Variants in GRIK4 observed in about 807,000 individuals in gnomAD.
GRIK4 encodes glutamate ionotropic receptor kainate type subunit 4.
GRIK4 carries 40 observed loss-of-function variants against 104.9 expected under a neutral mutation model. The observed-to-expected ratio is 0.38, with a 90% CI of 0.30 to 0.50. The LOEUF (loss-of-function observed/expected upper bound fraction) is 0.50, where lower values mean the gene tolerates loss of function less well. Ranked by LOEUF, GRIK4 falls within the 20% of genes least tolerant of loss-of-function variation. The probability of loss-of-function intolerance (pLI) is 0.93; values close to 1 mark genes in which losing one functional copy is unlikely to be tolerated. For synonymous variants in GRIK4, 485 were observed against 524.9 expected, an observed-to-expected ratio of 0.92 and a Z score of 1.04; for missense variants, 1,047 against 1,308.1, an observed-to-expected ratio of 0.80 and a Z score of 3.08.
At chr11:120,655,475 C>T (rs4514426) in intron 2 of GRIK4, among the ~76,000 whole-genome samples, 84,811 of 151,850 alleles carry the variant, frequency 0.56, 24,819 homozygotes, top group East Asian at 0.7. Flanking sequence ...GCCCTGATCT[C>T]CTGTGCAATG....
intron 16 of GRIK4, among the ~76,000 whole-genome samples, chr11:120,958,553 G>C (rs1208999775): frequency 6.6e-6 from 1 of 152,262 alleles, no homozygotes; most frequent in Non-Finnish European, 1.5e-5. Flanking sequence ...TCCTCACCCA[G>C]AGCACGTGAT....
chr11:120,926,737 C>T lies in GRIK4; in HGVS notation c.1477-13610C>T, dbSNP rs184447136. ...CATTCAACAAATATTTATGTAGTGC[C>T]TGGCACATGGCAGGTTCTGGACACT... is the stretch of plus-strand genomic sequence containing the variant. On this transcript the variant is annotated intron_variant, in intron 13 of 20. Coordinates refer to ENST00000527524, the MANE Select transcript of GRIK4 (RefSeq NM_014619.5). 9.9e-5 allele frequency among the ~76,000 whole-genome samples: 15 copies of T among 152,252 alleles called. No homozygotes were observed. The East Asian group carries it at 2.7e-3, about 27-fold the overall frequency.
At chr11:120,649,510 G>A (rs530806818) in intron 1 of GRIK4, among the ~76,000 whole-genome samples, 3 of 152,310 alleles carry the variant, frequency 2.0e-5, no homozygotes, top group African/African-American at 4.8e-5. Flanking sequence ...ACGAACAGCC[G>A]TTCCAGTGCT....
rs115408318 is a variant in GRIK4, at chr11:120,624,654, G to A, written c.-158-29031G>A. Among the ~76,000 whole-genome samples, 978 of 152,214 alleles carry A rather than the reference G, an allele frequency of 6.4e-3. 8 individuals carry two copies. The highest frequency in any genetic ancestry group is 0.022 in the African/African-American group (902 of 41,530). ...CAGACACTTCATCTCGTACCCTGCC[G>A]CGGAGTCTGGGCATTCTCTAGAGCA... is the stretch of plus-strand genomic sequence containing the variant. On this transcript the variant is annotated intron_variant, in intron 1 of 20. Coordinates refer to ENST00000527524, the MANE Select transcript of GRIK4 (RefSeq NM_014619.5).
chr11:120,662,633 A>G (rs1949835541), intron 3 of GRIK4, among the ~76,000 whole-genome samples: 1 of 152,042 alleles, frequency 6.6e-6, no homozygotes, highest in Admixed American at 6.6e-5. Context: ...GCTGGCGTTA[A>G]CTGTGCTGGG....
chr11:120,959,782 C>T (rs1944248745), intron 16 of GRIK4, among the ~76,000 whole-genome samples: 1 of 152,300 alleles, frequency 6.6e-6, no homozygotes, highest in Non-Finnish European at 1.5e-5. Context: ...TTTCTAATTC[C>T]AGCCTTTCAG....
At chr11:120,667,767 G>A (rs541223279) in intron 3 of GRIK4, among the ~76,000 whole-genome samples, 43 of 152,232 alleles carry the variant, frequency 2.8e-4, no homozygotes, top group Non-Finnish European at 4.7e-4. Flanking sequence ...GTGTTGTGGA[G>A]AGGACACTGA....
intron 3 of GRIK4, among the ~76,000 whole-genome samples, chr11:120,769,016 C>G (rs543421662): frequency 6.6e-6 from 1 of 152,148 alleles, no homozygotes; most frequent in Non-Finnish European, 1.5e-5. Flanking sequence ...CTTGCAGTGT[C>G]TTTATCTGGC....
intron 13 of GRIK4, among the ~76,000 whole-genome samples, chr11:120,920,033 T>C (rs1181210792): frequency 6.6e-6 from 1 of 151,858 alleles, no homozygotes; most frequent in Non-Finnish European, 1.5e-5. Flanking sequence ...AGCATACAGG[T>C]GGTAGTAAAA....
chr11:120,755,572 C>A (rs1349524229), intron 3 of GRIK4, among the ~76,000 whole-genome samples: 1 of 151,596 alleles, frequency 6.6e-6, no homozygotes, highest in Non-Finnish European at 1.5e-5. Context: ...CACACCACTG[C>A]ACTCCACCCT....
intron 3 of GRIK4, among the ~76,000 whole-genome samples, chr11:120,778,898 G>C (rs1206828431): frequency 6.6e-6 from 1 of 152,232 alleles, no homozygotes; most frequent in Non-Finnish European, 1.5e-5. Context: ...ACTCAGAACT[G>C]GTGTGAGGTG....
chr11:120,718,328 G>A (rs1236327557), intron 3 of GRIK4, among the ~76,000 whole-genome samples: 1 of 152,210 alleles, frequency 6.6e-6, no homozygotes, highest in Non-Finnish European at 1.5e-5. Flanking sequence ...AGCCTGAGGA[G>A]TGATGTGACC....
At position 120,905,475 on chromosome 11, in the gene GRIK4, C is replaced by T. The variant is rs150333061; in HGVS notation, c.1458C>T (p.Val486=). ...PEANGTWTGM[V]GELIARKADL... ...CCAACGGCACCTGGACGGGAATGGT[C>T]GGGGAGCTGATCGCTAGGGTAAGGA... is the stretch of plus-strand genomic sequence containing the variant. The change falls in exon 13 of 21, where the codon GTC becomes GTT. Residue 486 remains valine (V), a synonymous_variant. Coordinates refer to ENST00000527524, the MANE Select transcript of GRIK4 (RefSeq NM_014619.5). This position sits in a 1 kb window ranked among gnomAD's most constrained non-coding sequence, Gnocchi z 5.1. 6.8e-5 allele frequency: 91 copies of T among 1,346,012 alleles called. No individual in the cohort carries two copies. The highest frequency in any genetic ancestry group is 2.1e-4 in the Middle Eastern group (1 of 4,766). 83.4% of individuals were successfully genotyped at this position (1,346,012 alleles called of 1,614,324 possible).
chr11:120,689,397 C>CT, intron 3 of GRIK4, among the ~76,000 whole-genome samples: 1 of 152,196 alleles, frequency 6.6e-6, no homozygotes, highest in African/African-American at 2.4e-5. Flanking sequence ...TAGGGTTTCT[C>CT]TTATTTATGA....
intron 11 of GRIK4, among the ~76,000 whole-genome samples, chr11:120,893,784 G>C (rs1942486941): frequency 6.6e-6 from 1 of 152,172 alleles, no homozygotes; most frequent in Non-Finnish European, 1.5e-5. Context: ...TACACATGAG[G>C]GTCTTTTTTT....
chr11:120,652,197 A>T (rs1266610219), intron 1 of GRIK4, among the ~76,000 whole-genome samples: 1 of 152,216 alleles, frequency 6.6e-6, no homozygotes, highest in African/African-American at 2.4e-5. Context: ...TTCAATAAAG[A>T]TTATATTATC....
chr11:120,969,490 C>T lies in GRIK4; in HGVS notation c.2395+2167C>T, dbSNP rs1038422971. 2.0e-5 allele frequency among the ~76,000 whole-genome samples: 3 copies of T among 152,158 alleles called. No individual in the cohort carries two copies. In the East Asian group the frequency reaches 5.8e-4, roughly 29 times the overall value. On this transcript the variant is annotated intron_variant, in intron 19 of 20. Coordinates refer to ENST00000527524, the MANE Select transcript of GRIK4 (RefSeq NM_014619.5). The stretch of plus-strand genomic sequence containing the variant: ...GGTCCATGTGGAACAGATAAGAATT[C>T]GCATTTGGGGAGTTGGGTTGTGTAA...
intron 3 of GRIK4, among the ~76,000 whole-genome samples, chr11:120,665,258 A>G (rs1177626148): frequency 6.6e-6 from 1 of 151,842 alleles, no homozygotes; most frequent in Non-Finnish European, 1.5e-5. Context: ...GGTTTGTTTG[A>G]GCAGTGGGCT....
chr11:120,827,371 G>A (rs116578656), intron 6 of GRIK4, among the ~76,000 whole-genome samples: 3,564 of 152,174 alleles, frequency 0.023, 140 homozygotes, highest in African/African-American at 0.079. Context: ...CTCTCTCATC[G>A]ATCCGTCCCG....
Sources: gnomAD v4.1 joint callset for allele counts (sites outside exome capture counted in the v4.1 genomes callset) on GRCh38, gnomAD v4.1.1 for gene constraint, Gnocchi (gnomAD v3.1) non-coding constraint, MANE v1.5 for transcripts, NCBI Gene and HGNC (gene_info 2026-07-23, HGNC 2026-07-21) for gene names.